MSR1: variants seen among roughly 807,000 people sequenced by gnomAD.
MSR1 encodes macrophage scavenger receptor 1, also known as macrophage scavenger receptor types I and II.
MSR1 carries 53 observed loss-of-function variants against 47.2 expected under a neutral mutation model. The observed-to-expected ratio is 1.12, with a 90% CI of 0.90 to 1.41. The LOEUF (loss-of-function observed/expected upper bound fraction) is 1.41. MSR1 is among the 40% of genes most tolerant of loss of function. The pLI, the probability that MSR1 is intolerant of heterozygous loss-of-function variation, is 0.00. For synonymous variants in MSR1, 239 were observed against 185.6 expected, an observed-to-expected ratio of 1.29 and a Z score of -2.34; for missense variants, 786 against 546.9, an observed-to-expected ratio of 1.44 and a Z score of -4.36.
At chr8:16,165,183 C>T (rs956596474) in intron 4 of MSR1, among the ~76,000 whole-genome samples, 1 of 152,038 alleles carries the variant, frequency 6.6e-6, no homozygotes, top group African/African-American at 2.4e-5. Flanking sequence ...AAACATTAAA[C>T]AGCATTTTTG....
intron 8 of MSR1, among the ~76,000 whole-genome samples, chr8:16,137,193 T>C (rs945392044): frequency 1.3e-5 from 2 of 152,146 alleles, no homozygotes; most frequent in African/African-American, 4.8e-5. Context: ...TTAGTGATAA[T>C]GGAAGCTTTG....
At chr8:16,132,644 C>G (rs191336483) in intron 8 of MSR1, among the ~76,000 whole-genome samples, 13 of 152,180 alleles carry the variant, frequency 8.5e-5, no homozygotes, top group Admixed American at 5.9e-4. Flanking sequence ...CCCACCACCA[C>G]ACTGGCTGAT....
At chr8:16,127,529 C>T (rs1800156783) in intron 8 of MSR1, among the ~76,000 whole-genome samples, 1 of 152,132 alleles carries the variant, frequency 6.6e-6, no homozygotes, top group Non-Finnish European at 1.5e-5. Flanking sequence ...ATGAGTATAT[C>T]TTATCTCTAC....
chr8:16,163,982 G>C, intron 5 of MSR1, 83 bp downstream of exon 5: 4 of 1,086,532 alleles, frequency 3.7e-6, no homozygotes, highest in Non-Finnish European at 5.2e-6. Context: ...TCAAACCATA[G>C]GATTTCAAAT....
chr8:16,115,106 G>T (rs765266492), intron 9 of MSR1, among the ~76,000 whole-genome samples: 1 of 152,082 alleles, frequency 6.6e-6, no homozygotes, highest in Non-Finnish European at 1.5e-5. Context: ...TTGAACCTGG[G>T]AGGCAGAGGT....
intron 1 of MSR1, among the ~76,000 whole-genome samples, chr8:16,188,453 T>G (rs1485115304): frequency 2.0e-5 from 3 of 152,104 alleles, no homozygotes; most frequent in African/African-American, 7.2e-5. Context: ...TTCCTTAAAA[T>G]CACCTCATTA....
intron 1 of MSR1, among the ~76,000 whole-genome samples, chr8:16,190,727 C>CTTTTTTTT (rs1279894353): frequency 2.0e-5 from 3 of 146,734 alleles, no homozygotes; most frequent in African/African-American, 5.2e-5. Flanking sequence ...TTCTTTCTTT[C>CTTTTTTTT]TTTTTGTTTT....
At chr8:16,179,382 T>C (rs996897747) in intron 1 of MSR1, among the ~76,000 whole-genome samples, 4 of 152,194 alleles carry the variant, frequency 2.6e-5, no homozygotes, top group African/African-American at 9.6e-5. Flanking sequence ...TTAGAGAACA[T>C]AGTCCTTGTC....
rs770196850 is a variant in MSR1, at chr8:16,155,060, A to G, written c.898+4T>C. ...ATATGATTAAATAGCTAAAATTACC[A>G]TACCTATTGGACCTGGAAATCCTCG... On this transcript the variant is annotated splice_donor_region_variant and intron_variant, in intron 6 of 9. Transcript: ENST00000262101. The G allele has an allele frequency of 1.9e-6, 3 of 1,607,594 alleles. No homozygotes were observed. Among genetic ancestry groups the G allele is most frequent in the Non-Finnish European group, 2.6e-6 (3 of 1,174,630 alleles).
At chr8:16,121,449 A>G (rs1460013477) in intron 8 of MSR1, among the ~76,000 whole-genome samples, 3 of 152,002 alleles carry the variant, frequency 2.0e-5, no homozygotes. Flanking sequence ...ACCAATATAT[A>G]TGCACTTTGA....
At chr8:16,178,845 C>T (rs1801738993) in intron 1 of MSR1, among the ~76,000 whole-genome samples, 1 of 151,950 alleles carries the variant, frequency 6.6e-6, no homozygotes, top group Non-Finnish European at 1.5e-5. Flanking sequence ...TAGCATTTCT[C>T]TGATGGCCAG....
chr8:16,174,334 C>A (rs1025411650), intron 3 of MSR1, among the ~76,000 whole-genome samples: 2 of 152,088 alleles, frequency 1.3e-5, no homozygotes, highest in Non-Finnish European at 1.5e-5. Context: ...AGCACATGGG[C>A]AGACATTTTA....
intron 8 of MSR1, 125 bp from the exon 9 acceptor site, chr8:16,120,731 C>T: frequency 7.0e-6 from 8 of 1,145,032 alleles, no homozygotes; most frequent in Non-Finnish European, 9.7e-6. Context: ...CAAATAACTT[C>T]AACTATTGGA....
chr8:16,184,543 T>C (rs1369316470), intron 1 of MSR1, among the ~76,000 whole-genome samples: 1 of 152,158 alleles, frequency 6.6e-6, no homozygotes, highest in African/African-American at 2.4e-5. Context: ...GCCGGTAGCA[T>C]CCGACTCATC....
chr8:16,151,736 T>G (rs144681591), intron 6 of MSR1, among the ~76,000 whole-genome samples: 1 of 152,166 alleles, frequency 6.6e-6, no homozygotes, highest in African/African-American at 2.4e-5. Context: ...GAGACCAGAG[T>G]GATCAAATCA....
intron 1 of MSR1, among the ~76,000 whole-genome samples, chr8:16,190,727 C>CTTTTTT (rs1279894353): frequency 0.016 from 2,365 of 146,586 alleles, 76 homozygotes; most frequent in African/African-American, 0.055. Context: ...TTCTTTCTTT[C>CTTTTTT]TTTTTGTTTT....
rs552764105 is a variant in MSR1, at chr8:16,190,046, C to T, written c.-5+2552G>A. ...TCTCCTGCCTCAGCTTCCCGAGTAG[C>T]GGGATTATAGGCGTTTGCCACCATG... is the stretch of plus-strand genomic sequence containing the variant. On this transcript the variant is annotated intron_variant, in intron 1 of 9. Transcript: ENST00000262101. Among the ~76,000 whole-genome samples, 13 of 150,652 alleles carry T rather than the reference C, an allele frequency of 8.6e-5. 1 individual carries two copies. The highest frequency in any genetic ancestry group is 2.7e-4 in the African/African-American group (11 of 40,980).
At chr8:16,166,550 G>A (rs768366786) in intron 4 of MSR1, among the ~76,000 whole-genome samples, 13 of 151,922 alleles carry the variant, frequency 8.6e-5, no homozygotes, top group Non-Finnish European at 1.8e-4. Context: ...TCACTGGGAG[G>A]AGGAAAAGTG....
chr8:16,138,682 C>A (rs182516230), intron 8 of MSR1, among the ~76,000 whole-genome samples: 10 of 152,244 alleles, frequency 6.6e-5, no homozygotes, highest in Admixed American at 2.0e-4. Context: ...TCATACTCTA[C>A]CTGACTTGCA....
Sources: allele counts gnomAD v4.1 joint callset (sites outside exome capture counted in the v4.1 genomes callset), GRCh38; gene constraint gnomAD v4.1.1; transcripts MANE v1.5; gene names NCBI Gene and HGNC (gene_info 2026-07-23, HGNC 2026-07-21).